The following CDC27 variants were observed in gnomAD, a reference collection of about 807,000 sequenced individuals.
CDC27 encodes cell division cycle protein 27 homolog.
CDC27 carries 27 observed loss-of-function variants against 109.7 expected under a neutral mutation model. The observed-to-expected ratio is 0.25, with a 90% confidence interval of 0.18 to 0.34. The LOEUF (loss-of-function observed/expected upper bound fraction) is 0.34. Among genes scored for constraint, CDC27 ranks in the 10% least tolerant of loss-of-function variants. The pLI, the probability that CDC27 is intolerant of heterozygous loss-of-function variation, is 1.00. For missense variants in CDC27, 579 were observed against 960.2 expected, an observed-to-expected ratio of 0.60 and a Z score of 5.25; for synonymous variants, 266 against 333.9, an observed-to-expected ratio of 0.80 and a Z score of 2.22.
At chr17:47,154,272 AC>A (rs1332883669) in intron 8 of CDC27, among the ~76,000 whole-genome samples, 2 of 152,178 alleles carry the variant, frequency 1.3e-5, no homozygotes, top group African/African-American at 4.8e-5. Flanking sequence ...TATTAAAAAA[AC>A]ATATATACAC....
rs932392162 is a variant in CDC27, at chr17:47,154,664, G to C, written c.957+8C>G. 9 of 1,457,404 alleles carry C rather than the reference G, an allele frequency of 6.2e-6. No individual in the cohort carries two copies. The highest frequency in any genetic ancestry group is 8.6e-6 in the Non-Finnish European group (9 of 1,045,106). The allele number at this position is 1,457,404 out of a possible 1,614,324, so 90.3% of individuals were successfully genotyped here. ...CAATTCCCAAACTGCATTTTACATG[G>C]AAAATACCTTTTTTGAAGGGGCTCC... On this transcript the variant is annotated splice_region_variant and intron_variant, in intron 8 of 18. Transcript: ENST00000066544.
intron 14 of CDC27, among the ~76,000 whole-genome samples, chr17:47,134,104 G>A (rs147282427): frequency 7.0e-4 from 107 of 151,880 alleles, no homozygotes; most frequent in African/African-American, 2.6e-3. Flanking sequence ...TCACTATGTT[G>A]ACCAAGCTGG....
chr17:47,134,785 CTTTT>C (rs376654308), intron 14 of CDC27, among the ~76,000 whole-genome samples: 3 of 125,004 alleles, frequency 2.4e-5, no homozygotes. Context: ...TAATTGTTTT[CTTTT>C]TTTTTTTTTT....
At chr17:47,166,552 G>A (rs1598547742) in intron 4 of CDC27, among the ~76,000 whole-genome samples, 2 of 151,898 alleles carry the variant, frequency 1.3e-5, no homozygotes, top group African/African-American at 4.8e-5. Context: ...GACCAGCTTT[G>A]GTTTCTATGA....
intron 10 of CDC27, among the ~76,000 whole-genome samples, chr17:47,143,213 C>G (rs1429301754): frequency 1.3e-5 from 2 of 152,132 alleles, no homozygotes; most frequent in Non-Finnish European, 2.9e-5. Context: ...ATCGGCCCAC[C>G]TTGGCCTCCC....
At chr17:47,127,248 GCAAGAAAAA>G (rs1430999992) in intron 16 of CDC27, among the ~76,000 whole-genome samples, 1 of 152,132 alleles carries the variant, frequency 6.6e-6, no homozygotes, top group East Asian at 1.9e-4. Flanking sequence ...GGGCAACAGA[GCAAGAAAAA>G]CAAAAACTAA....
At chr17:47,137,096 TAGTA>T (rs1230378180) in intron 14 of CDC27, 52 bp downstream of exon 14, 2 of 983,090 alleles carry the variant, frequency 2.0e-6, no homozygotes. Flanking sequence ...CAAGAAAAAT[TAGTA>T]AGTACCAGCA....
intron 15 of CDC27, among the ~76,000 whole-genome samples, chr17:47,130,419 C>T (rs1296082618): frequency 6.6e-6 from 1 of 151,850 alleles, no homozygotes; most frequent in Non-Finnish European, 1.5e-5. Flanking sequence ...TACTGTTTTA[C>T]ATAATTGAAA....
chr17:47,124,079 A>G lies in CDC27; in HGVS notation c.2161-119T>C, dbSNP rs192088631. On this transcript the variant is annotated intron_variant, in intron 16 of 18. Transcript: ENST00000066544. ...AAAAGCTAACTAAATCTTAATCAAT[A>G]TACTTCCTTATTGTATTAGTTCTTA... 3,269 of 614,786 alleles carry G rather than the reference A, an allele frequency of 5.3e-3. 27 individuals are homozygous for G. Among genetic ancestry groups the G allele is most frequent in the South Asian group, 0.025 (1,206 of 47,836 alleles). The allele number at this position is 614,786 out of a possible 1,614,324, so 38.1% of individuals were successfully genotyped here.
At position 47,156,104 on chromosome 17, in the gene CDC27, T is replaced by G. The variant is rs529470312; in HGVS notation, c.842+809A>C. 2.6e-5 allele frequency among the ~76,000 whole-genome samples: 4 copies of G among 152,308 alleles called. No homozygotes were observed. In the East Asian group the frequency reaches 7.7e-4, roughly 29 times the overall value. The stretch of plus-strand genomic sequence containing the variant: ...AGACAGTATTTTTTAATGTGTTTAC[T>G]ACCTAATTAAGGAATATTTCAGAGT... On this transcript the variant is annotated intron_variant, in intron 7 of 18. Transcript: ENST00000066544.
At chr17:47,184,318 A>G (rs1198393288) in intron 1 of CDC27, among the ~76,000 whole-genome samples, 4 of 152,200 alleles carry the variant, frequency 2.6e-5, no homozygotes, top group Non-Finnish European at 2.9e-5. Context: ...CAATCTCTTA[A>G]TATAAAGAAA....
At chr17:47,185,339 C>T (rs905816129) in intron 1 of CDC27, among the ~76,000 whole-genome samples, 1 of 151,904 alleles carries the variant, frequency 6.6e-6, no homozygotes, top group East Asian at 1.9e-4. Flanking sequence ...CCACCATGCC[C>T]GGCTAATTTT....
chr17:47,149,971 AAAAAC>A (rs2063106208), intron 9 of CDC27, among the ~76,000 whole-genome samples: 1 of 151,232 alleles, frequency 6.6e-6, no homozygotes, highest in Non-Finnish European at 1.5e-5. Flanking sequence ...AAACAAAAAC[AAAAAC>A]AAAACTCTAT....
rs1432079164 is a variant in CDC27 at position 47,117,854 on chromosome 17, T to C, written c.*3081A>G. The C allele has an allele frequency of 1.3e-5, 2 of 152,236 alleles. No homozygotes were observed. Among genetic ancestry groups the C allele is most frequent in the Non-Finnish European group, 2.9e-5 (2 of 68,040 alleles). The allele number at this position is 152,236 out of a possible 1,614,324, so 9.4% of individuals were successfully genotyped here. On this transcript the variant is annotated 3_prime_UTR_variant, in exon 19 of 19. Coordinates refer to ENST00000066544, the MANE Select transcript of CDC27 (RefSeq NM_001256.6). ...TGTGAAACATAAAACTGTATCTCTG[T>C]TTTTCTGTGCCTTCTTATTAAAATA...
intron 4 of CDC27, among the ~76,000 whole-genome samples, chr17:47,164,801 A>T (rs2063596279): frequency 1.3e-5 from 2 of 152,178 alleles, no homozygotes; most frequent in African/African-American, 4.8e-5. Flanking sequence ...TGAGCGACAG[A>T]GCGCAAGATT....
At chr17:47,141,799 A>C in intron 12 of CDC27, 54 bp downstream of exon 12, 1 of 1,071,990 alleles carries the variant, frequency 9.3e-7, no homozygotes, top group Non-Finnish European at 1.4e-6. Context: ...CATTTATTTT[A>C]ATGAAATTGA....
intron 4 of CDC27, among the ~76,000 whole-genome samples, chr17:47,162,578 G>C (rs1019762020): frequency 6.6e-6 from 1 of 152,164 alleles, no homozygotes; most frequent in African/African-American, 2.4e-5. Context: ...TTAGTGAACT[G>C]TATGAATTAT....
intron 12 of CDC27, among the ~76,000 whole-genome samples, chr17:47,141,340 A>C (rs1259013882): frequency 6.6e-6 from 1 of 152,172 alleles, no homozygotes; most frequent in African/African-American, 2.4e-5. Flanking sequence ...GCTTTAGGTT[A>C]ATCATTCTCT....
At chr17:47,133,072 C>CACACACACACACACACAA (rs2062429665) in intron 14 of CDC27, among the ~76,000 whole-genome samples, 2 of 81,240 alleles carry the variant, frequency 2.5e-5, no homozygotes, top group Non-Finnish European at 4.4e-5. Flanking sequence ...TACACACACA[C>CACACACACACACACACAA]ACACACACAC....
Sources: allele counts gnomAD v4.1 joint callset (sites outside exome capture counted in the v4.1 genomes callset), GRCh38; gene constraint gnomAD v4.1.1; transcripts MANE v1.5; gene names NCBI Gene and HGNC (gene_info 2026-07-23, HGNC 2026-07-21).